COL4A4: variants seen among roughly 807,000 people sequenced by gnomAD.
COL4A4 encodes collagen type IV alpha 4 chain.
COL4A4 carries 105 observed loss-of-function variants against 192.9 expected under a neutral mutation model. The observed-to-expected ratio is 0.54, with a 90% CI of 0.46 to 0.64. COL4A4 has a LOEUF of 0.64. Ranked by LOEUF, COL4A4 falls within the 30% of genes least tolerant of loss-of-function variation. The pLI, the probability that COL4A4 is intolerant of heterozygous loss-of-function variation, is 0.00. For missense variants in COL4A4, 1,967 were observed against 2,169.3 expected (o/e 0.91, Z 1.85); for synonymous variants, 762 against 769.9 (o/e 0.99, Z 0.17).
In COL4A4 at chr2:227,057,681, A is replaced by G; in HGVS notation, c.2384-81T>C. 2.9e-6 allele frequency: 4 copies of G among 1,396,318 alleles called. No individual in the cohort carries two copies. The South Asian group carries it at 3.6e-5, about 13-fold the overall frequency. The allele number at this position is 1,396,318 out of a possible 1,614,324, so 86.5% of individuals were successfully genotyped here. On this transcript the variant is annotated intron_variant, in intron 28 of 47. Transcript: ENST00000396625. The stretch of plus-strand genomic sequence containing the variant: ...CATGATGAATTGTTCACGCATATCA[A>G]TACTGGAGGTGAACATTTTCATCCT...
At chr2:227,041,830 AAGAAAGAAAGAAAGAAAG>A (rs1559477567) in intron 37 of COL4A4, among the ~76,000 whole-genome samples, 9 of 43,454 alleles carry the variant, frequency 2.1e-4, no homozygotes, top group East Asian at 1.2e-3. Flanking sequence ...GAAAGAAAGA[AAGAAAGAAAGAAAGAAAG>A]AGAAAGAAAG....
intron 8 of COL4A4, among the ~76,000 whole-genome samples, chr2:227,112,005 G>A (rs1214064932): frequency 2.0e-5 from 3 of 152,092 alleles, no homozygotes; most frequent in South Asian, 2.1e-4. Flanking sequence ...CAGTGGTCCC[G>A]TTTCCTCACA....
intron 1 of COL4A4, among the ~76,000 whole-genome samples, chr2:227,157,001 T>G (rs2064405104): frequency 6.6e-6 from 1 of 152,162 alleles, no homozygotes; most frequent in East Asian, 1.9e-4. Flanking sequence ...TAATATATAC[T>G]AGGACACTAT....
chr2:227,127,034 T>C (rs2062130158), intron 4 of COL4A4, among the ~76,000 whole-genome samples: 2 of 152,162 alleles, frequency 1.3e-5, no homozygotes. Context: ...TAAAGAAATA[T>C]TTCACCCAGT....
At chr2:227,041,374 C>T (rs149759941) in intron 37 of COL4A4, among the ~76,000 whole-genome samples, 160 of 151,880 alleles carry the variant, frequency 1.1e-3, no homozygotes, top group African/African-American at 3.5e-3. Context: ...TGGTAGCAAC[C>T]GGGCGCTCAC....
chr2:227,038,421 TCAAGA>T (rs1970118165), intron 37 of COL4A4, among the ~76,000 whole-genome samples: 3 of 152,196 alleles, frequency 2.0e-5, no homozygotes, highest in African/African-American at 7.2e-5. Flanking sequence ...GTTCCATTGG[TCAAGA>T]TATCTGTTTT....
chr2:226,981,413 A>G, the COL4A4 span, among the ~76,000 whole-genome samples: 1 of 151,910 alleles, frequency 6.6e-6, no homozygotes, highest in African/African-American at 2.4e-5. Context: ...AAAATTTTTT[A>G]AAAAAGGAGC....
intron 1 of COL4A4, among the ~76,000 whole-genome samples, chr2:227,154,212 T>C (rs2064161555): frequency 6.6e-6 from 1 of 152,242 alleles, no homozygotes; most frequent in African/African-American, 2.4e-5. Context: ...CACTCCTTTA[T>C]GAAAATTCCT....
At chr2:227,107,633 A>T (rs372952736) in intron 12 of COL4A4, among the ~76,000 whole-genome samples, 24 of 152,256 alleles carry the variant, frequency 1.6e-4, no homozygotes, top group African/African-American at 5.8e-4. Flanking sequence ...ACCCAGTGTC[A>T]GTCCTAGCTT....
At chr2:227,042,314 C>CA (rs1200175822) in intron 36 of COL4A4, 59 bp from the exon 37 acceptor site, 29 of 933,364 alleles carry the variant, frequency 3.1e-5, no homozygotes, top group Non-Finnish European at 5.1e-5. Flanking sequence ...ACATTCACTG[C>CA]AAAAGTCATC....
At chr2:227,017,201 A>C (rs926373800) in intron 44 of COL4A4, among the ~76,000 whole-genome samples, 1 of 152,210 alleles carries the variant, frequency 6.6e-6, no homozygotes, top group Non-Finnish European at 1.5e-5. Flanking sequence ...TGGTGAGATC[A>C]CTATAGATCT....
intron 38 of COL4A4, among the ~76,000 whole-genome samples, chr2:227,032,735 C>T (rs1968704387): frequency 6.6e-6 from 1 of 152,180 alleles, no homozygotes; most frequent in Non-Finnish European, 1.5e-5. Context: ...TCTTAAGTGA[C>T]TATATTACTG....
chr2:227,144,363 A>G (rs2063407837), intron 3 of COL4A4, among the ~76,000 whole-genome samples, 153 bp downstream of exon 3: 1 of 152,236 alleles, frequency 6.6e-6, no homozygotes, highest in Non-Finnish European at 1.5e-5. Flanking sequence ...TATACAATAT[A>G]AAAGAAATCT....
chr2:227,008,110 C>T lies in COL4A4; in HGVS notation c.4717G>A (p.Ala1573Thr). Residue 1573 changes from alanine (A) to threonine (T), a missense_variant, in exon 47 of 48, where the codon GCC becomes ACC. Transcript: ENST00000396625. The stretch of plus-strand genomic sequence containing the variant: ...TGGCTGTGCACCGCCACCGCCTGGG[C>T]CGGGGCCTCGCATACCGCACAGCGG... ...VSRCAVCEAP[A>T]QAVAVHSQDQ... 5 of 1,614,038 alleles carry T rather than the reference C, an allele frequency of 3.1e-6. No homozygotes were observed. The highest frequency in any genetic ancestry group is 4.2e-6 in the Non-Finnish European group (5 of 1,179,982).
In COL4A4 at chr2:227,089,948, C is replaced by T. The variant is rs753659852; in HGVS notation, c.1379G>A (p.Cys460Tyr). 47 of 1,613,100 alleles carry T rather than the reference C, an allele frequency of 2.9e-5. No individual in the cohort carries two copies. In the South Asian group the frequency reaches 4.7e-4, roughly 16 times the overall value. ...TTGTGGTCCGGGGTTCCCAACACTACAGTATATCACTGTCAAGGAGGTAAG... is the reference window on the plus strand; with the variant it reads ...TTGTGGTCCGGGGTTCCCAACACTATAGTATATCACTGTCAAGGAGGTAAG... The part of the protein sequence containing the change: ...QGLPGSSVIY[C>Y]SVGNPGPQGI... The change falls in exon 21 of 48, where the codon TGT (cysteine) becomes TAT (tyrosine). Residue 460 changes from cysteine (C) to tyrosine (Y), a missense_variant. Cys to Tyr is a radical substitution (Grantham distance 194, BLOSUM62 -2). Transcript: ENST00000396625.
rs1321228167 is a variant in COL4A4 at position 227,147,601 on chromosome 2, T to G, written c.-101-17A>C. On this transcript the variant is annotated splice_polypyrimidine_tract_variant and intron_variant, in intron 1 of 47. Transcript: ENST00000396625. ...AGTCTGTTCCTGTTAGATATAAATA[T>G]ATCACTTAAAACACAGCATGCATTA... 2.4e-6 allele frequency: 2 copies of G among 829,642 alleles called. No individual in the cohort carries two copies. Among genetic ancestry groups the G allele is most frequent in the African/African-American group, 1.7e-5 (1 of 59,196 alleles). 51.4% of individuals were successfully genotyped at this position (829,642 alleles called of 1,614,324 possible).
At chr2:226,973,493 T>C in the COL4A4 span, among the ~76,000 whole-genome samples, 2 of 152,188 alleles carry the variant, frequency 1.3e-5, no homozygotes. Flanking sequence ...CATTCTAAGA[T>C]TGGTGTTTAC....
At chr2:226,971,714 T>A in the COL4A4 span, among the ~76,000 whole-genome samples, 1 of 152,220 alleles carries the variant, frequency 6.6e-6, no homozygotes, top group African/African-American at 2.4e-5. Flanking sequence ...GCCTGTTGTT[T>A]CTTTTGGTTT....
chr2:227,007,164 G>A lies in COL4A4; in HGVS notation c.*161C>T. The A allele has an allele frequency of 1.0e-6, 1 of 991,360 alleles. No homozygotes were observed. Among genetic ancestry groups the A allele is most frequent in the Non-Finnish European group, 1.6e-6 (1 of 624,710 alleles). 61.4% of individuals were successfully genotyped at this position (991,360 alleles called of 1,614,324 possible). A position where few individuals can be genotyped will look rare whatever the true frequency, so the allele number is the denominator to read the frequency against. On this transcript the variant is annotated 3_prime_UTR_variant, in exon 48 of 48. Coordinates refer to ENST00000396625, the MANE Select transcript of COL4A4 (RefSeq NM_000092.5). ...TCCATCTGTGCAGCATTTGCTTAAT[G>A]TGTAAGGAACCAGAGGACTCTGGGA... is the stretch of plus-strand genomic sequence containing the variant.
Sources: allele counts gnomAD v4.1 joint callset (sites outside exome capture counted in the v4.1 genomes callset), GRCh38; gene constraint gnomAD v4.1.1; transcripts MANE v1.5; gene names NCBI Gene and HGNC (gene_info 2026-07-23, HGNC 2026-07-21).